Variants in CDCA2 observed in about 807,000 individuals in gnomAD.
CDCA2 encodes the protein cell division cycle associated 2.
In CDCA2, 44 loss-of-function variants were observed where a neutral mutation model predicts 67.0. That is an observed-to-expected ratio of 0.66 (90% confidence interval 0.52 to 0.84). The LOEUF (loss-of-function observed/expected upper bound fraction) is 0.84. Ranked by LOEUF, CDCA2 falls within the 40% of genes least tolerant of loss-of-function variation. The probability of loss-of-function intolerance (pLI) is 0.00; values close to 1 mark genes in which losing one functional copy is unlikely to be tolerated. For missense variants in CDCA2, 1,253 were observed against 1,203.2 expected (o/e 1.04, Z -0.61); for synonymous variants, 447 against 418.7 (o/e 1.07, Z -0.82).
At chr8:25,484,257 A>G in intron 10 of CDCA2, 47 bp downstream of exon 10, 1 of 1,597,162 alleles carries the variant, frequency 6.3e-7, no homozygotes, top group South Asian at 1.1e-5. Flanking sequence ...TATTTTCATC[A>G]GGCTTCACCT....
intron 8 of CDCA2, among the ~76,000 whole-genome samples, chr8:25,482,550 A>G (rs148812668): frequency 6.6e-6 from 1 of 152,330 alleles, no homozygotes; most frequent in East Asian, 1.9e-4. Flanking sequence ...CATATTAACA[A>G]TACCATGTAA....
chr8:25,461,923 A>G, intron 3 of CDCA2, 131 bp from the exon 4 acceptor site: 5 of 793,934 alleles, frequency 6.3e-6, no homozygotes, highest in Non-Finnish European at 1.0e-5. Context: ...TGTGCCAGTA[A>G]CTCTCCACTG....
At chr8:25,473,598 G>A (rs1314254323) in intron 7 of CDCA2, among the ~76,000 whole-genome samples, 2 of 152,102 alleles carry the variant, frequency 1.3e-5, no homozygotes, top group Non-Finnish European at 2.9e-5. Context: ...AAGTAGAAAG[G>A]CATTTCATTA....
intron 3 of CDCA2, among the ~76,000 whole-genome samples, chr8:25,461,079 C>T (rs1246132683): frequency 2.6e-5 from 4 of 151,926 alleles, no homozygotes; most frequent in South Asian, 2.1e-4. Flanking sequence ...ACCAGCCTGA[C>T]CAACATAGAG....
chr8:25,496,239 A>C lies in CDCA2; in HGVS notation c.1672-7134A>C, dbSNP rs1804218451. 3.9e-5 allele frequency among the ~76,000 whole-genome samples: 6 copies of C among 152,354 alleles called. No individual in the cohort carries two copies. In the South Asian group the frequency reaches 1.2e-3, roughly 32 times the overall value. On this transcript the variant is annotated intron_variant, in intron 13 of 14. Coordinates refer to ENST00000330560, the MANE Select transcript of CDCA2 (RefSeq NM_152562.4). ...GATATGATCATCAGCATTGCAAAGC[A>C]TTGAAGTACAATCATGAAATAACAC...
Position 25,474,630 on chromosome 8 carries a change from T to C in CDCA2, c.820+4650T>C, listed in dbSNP as rs137991997. On this transcript the variant is annotated intron_variant, in intron 7 of 14. Coordinates refer to ENST00000330560, the MANE Select transcript of CDCA2 (RefSeq NM_152562.4). ...AAATGATATTGCTAGCTGTCCTCCA[T>C]GGTCTAGTAAGATCACTGGCTGGAC... 3.8e-3 allele frequency among the ~76,000 whole-genome samples: 578 copies of C among 152,348 alleles called. 3 individuals are homozygous for C. Among genetic ancestry groups the C allele is most frequent in the Middle Eastern group, 0.01 (3 of 294 alleles).
At chr8:25,486,610 C>G (rs1803785862) in intron 11 of CDCA2, among the ~76,000 whole-genome samples, 1 of 151,064 alleles carries the variant, frequency 6.6e-6, no homozygotes. Context: ...CAAGACCAGC[C>G]TGGTCAACTT....
At chr8:25,464,982 T>C (rs528978791) in intron 4 of CDCA2, among the ~76,000 whole-genome samples, 10 of 152,250 alleles carry the variant, frequency 6.6e-5, no homozygotes, top group African/African-American at 2.4e-4. Flanking sequence ...GATATATATA[T>C]ATTTTTTCTG....
rs934822567 is a variant in CDCA2 at position 25,466,070 on chromosome 8, A to G, written c.388-105A>G. 388 of 984,068 alleles carry G rather than the reference A, an allele frequency of 3.9e-4. 2 individuals carry two copies. Among genetic ancestry groups the G allele is most frequent in the Non-Finnish European group, 5.2e-4 (353 of 682,084 alleles). 61.0% of individuals were successfully genotyped at this position (984,068 alleles called of 1,614,324 possible). On this transcript the variant is annotated intron_variant, in intron 4 of 14. Transcript: ENST00000330560. ...AACTCCTTACCGCTGATCTTCAAAA[A>G]GCATATGTGTACTGTATTTAATTTT... is the stretch of plus-strand genomic sequence containing the variant.
intron 4 of CDCA2, among the ~76,000 whole-genome samples, chr8:25,464,750 A>C (rs1175873604): frequency 6.6e-6 from 1 of 152,230 alleles, no homozygotes; most frequent in Non-Finnish European, 1.5e-5. Flanking sequence ...ATTTGAGATC[A>C]TCTTTTCCCT....
chr8:25,475,171 G>C (rs762857483), intron 7 of CDCA2, among the ~76,000 whole-genome samples: 7 of 152,228 alleles, frequency 4.6e-5, no homozygotes, highest in Admixed American at 1.3e-4. Flanking sequence ...CAAAGGAGAT[G>C]GTTATTGGAG....
At chr8:25,465,243 G>A (rs1259267753) in intron 4 of CDCA2, among the ~76,000 whole-genome samples, 1 of 152,072 alleles carries the variant, frequency 6.6e-6, no homozygotes, top group Non-Finnish European at 1.5e-5. Flanking sequence ...CAAAATGCTG[G>A]GATTACATGC....
chr8:25,466,813 C>T (rs890396403), intron 5 of CDCA2, among the ~76,000 whole-genome samples: 18 of 152,052 alleles, frequency 1.2e-4, no homozygotes, highest in Admixed American at 7.9e-4. Context: ...GAGGCTGAGA[C>T]GGGAGGATCA....
At position 25,506,833 on chromosome 8, in the gene CDCA2, G is replaced by A; in HGVS notation, c.2167G>A (p.Ala723Thr). Reference sequence around the variant, plus strand: ...TGCTTCTGTAACTGAAGAACGTGTGGCATCAGATAGTCCCAAACCTGCTCT... The same window carrying A: ...TGCTTCTGTAACTGAAGAACGTGTGACATCAGATAGTCCCAAACCTGCTCT... ...SCASVTEERV[A>T]SDSPKPALTL... The change falls in exon 15 of 15, where the codon GCA (alanine) becomes ACA (threonine). Residue 723 changes from alanine (A) to threonine (T), a missense_variant. Physicochemically the swap from Ala to Thr is moderately conservative, Grantham distance 58 (BLOSUM62 0). Transcript: ENST00000330560. The A allele has an allele frequency of 1.2e-6, 2 of 1,614,008 alleles. No individual in the cohort carries two copies. The highest frequency in any genetic ancestry group is 1.7e-6 in the Non-Finnish European group (2 of 1,180,016).
chr8:25,491,292 A>T (rs560446594), intron 13 of CDCA2, among the ~76,000 whole-genome samples: 7 of 152,302 alleles, frequency 4.6e-5, no homozygotes, highest in African/African-American at 1.7e-4. Context: ...GAATGGAAGA[A>T]ATTATTCAAA....
At chr8:25,465,029 A>G (rs1802844795) in intron 4 of CDCA2, among the ~76,000 whole-genome samples, 1 of 152,190 alleles carries the variant, frequency 6.6e-6, no homozygotes, top group East Asian at 1.9e-4. Flanking sequence ...CCTGAAGTAC[A>G]GTGGCATGAT....
chr8:25,493,499 G>A (rs1804092761), intron 13 of CDCA2, among the ~76,000 whole-genome samples: 1 of 152,164 alleles, frequency 6.6e-6, no homozygotes, highest in South Asian at 2.1e-4. Flanking sequence ...AAAAGACAAA[G>A]AACAAGCTTG....
At chr8:25,498,393 A>C (rs1804321597) in intron 13 of CDCA2, among the ~76,000 whole-genome samples, 1 of 147,498 alleles carries the variant, frequency 6.8e-6, no homozygotes, top group Non-Finnish European at 1.5e-5. Flanking sequence ...TTTTTAGTAG[A>C]GACGGGGTTT....
At chr8:25,475,559 G>C (rs933778469) in intron 7 of CDCA2, among the ~76,000 whole-genome samples, 1 of 152,118 alleles carries the variant, frequency 6.6e-6, no homozygotes, top group South Asian at 2.1e-4. Flanking sequence ...CCAGAACTTA[G>C]TTGGCTCACA....
Sources: allele counts gnomAD v4.1 joint callset (sites outside exome capture counted in the v4.1 genomes callset), GRCh38; gene constraint gnomAD v4.1.1; transcripts MANE v1.5; gene names NCBI Gene and HGNC (gene_info 2026-07-23, HGNC 2026-07-21).